Variants in MAL observed in about 807,000 individuals in gnomAD.
MAL encodes mal, T cell differentiation protein (MAL blood group).
In MAL, 5 loss-of-function variants were observed where a neutral mutation model predicts 16.7. That is an observed-to-expected ratio of 0.30 (90% CI 0.16 to 0.63). MAL has a LOEUF of 0.63. Among genes scored for constraint, MAL ranks in the 30% least tolerant of loss-of-function variants. The probability of loss-of-function intolerance (pLI) is 0.82; values close to 1 mark genes in which losing one functional copy is unlikely to be tolerated. For missense variants in MAL, 202 were observed against 195.8 expected (o/e 1.03, Z -0.19); for synonymous variants, 96 against 85.5 (o/e 1.12, Z -0.67).
chr2:95,048,470 G>A (rs1385834262), intron 2 of MAL, among the ~76,000 whole-genome samples: 2 of 152,186 alleles, frequency 1.3e-5, no homozygotes, highest in African/African-American at 4.8e-5. Context: ...CCTCAAGGCA[G>A]CAGGGCCCCA....
chr2:95,046,921 A>G (rs960658035), intron 1 of MAL, among the ~76,000 whole-genome samples: 20 of 151,598 alleles, frequency 1.3e-4, no homozygotes, highest in African/African-American at 4.6e-4. Flanking sequence ...AGAGAGAGAA[A>G]GAAAGAGAGA....
intron 1 of MAL, among the ~76,000 whole-genome samples, chr2:95,036,969 C>G (rs1198399765): frequency 3.4e-4 from 28 of 82,814 alleles, no homozygotes; most frequent in African/African-American, 5.8e-4. Flanking sequence ...GACTGAGTGA[C>G]CGAGTGAGTG....
intron 1 of MAL, among the ~76,000 whole-genome samples, chr2:95,041,259 C>T (rs558473595): frequency 2.4e-4 from 37 of 152,266 alleles, no homozygotes; most frequent in Non-Finnish European, 8.8e-5. Context: ...TGACCAGGCC[C>T]GTTGTTGGAA....
intron 1 of MAL, among the ~76,000 whole-genome samples, chr2:95,031,533 ATAGAAT>A: frequency 6.6e-6 from 1 of 152,274 alleles, no homozygotes; most frequent in Admixed American, 6.5e-5. Flanking sequence ...TTTATGGGGG[ATAGAAT>A]AGTGGGAACA....
At chr2:95,039,950 G>T (rs914746184) in intron 1 of MAL, among the ~76,000 whole-genome samples, 4 of 152,150 alleles carry the variant, frequency 2.6e-5, no homozygotes, top group African/African-American at 7.2e-5. Context: ...GGACTTTGCG[G>T]AAGCCTTCAG....
At chr2:95,037,045 G>T (rs1230234471) in intron 1 of MAL, among the ~76,000 whole-genome samples, 1 of 151,138 alleles carries the variant, frequency 6.6e-6, no homozygotes, top group Non-Finnish European at 1.5e-5. Context: ...GAGTGGGTGA[G>T]TGAGTGACTG....
At chr2:95,028,454 A>G (rs760336293) in intron 1 of MAL, among the ~76,000 whole-genome samples, 1 of 152,212 alleles carries the variant, frequency 6.6e-6, no homozygotes, top group Non-Finnish European at 1.5e-5. Flanking sequence ...ATGTGGAGAA[A>G]TTGGAACCCT....
chr2:95,052,456 G>A (rs570059934), intron 3 of MAL, among the ~76,000 whole-genome samples: 72 of 152,324 alleles, frequency 4.7e-4, no homozygotes, highest in African/African-American at 1.6e-3. Context: ...CTTACTCACC[G>A]CCTCCAGGCA....
intron 3 of MAL, among the ~76,000 whole-genome samples, chr2:95,050,909 ATCT>A (rs1674702247): frequency 6.6e-6 from 1 of 152,112 alleles, no homozygotes; most frequent in Non-Finnish European, 1.5e-5. Flanking sequence ...GCCACCCTCC[ATCT>A]TCTTCACACA....
intron 3 of MAL, chr2:95,051,319 A>C (rs1674709875): frequency 6.6e-6 from 1 of 152,238 alleles, no homozygotes; most frequent in Non-Finnish European, 1.5e-5. Flanking sequence ...ACCAGCGCAC[A>C]GTCTGATGAA....
chr2:95,034,529 C>T lies in MAL; in HGVS notation c.93+8644C>T, dbSNP rs555240373. 2.6e-5 allele frequency among the ~76,000 whole-genome samples: 4 copies of T among 152,348 alleles called. No individual in the cohort carries two copies. In the South Asian group the frequency reaches 8.3e-4, roughly 32 times the overall value. ...ATTAAAGCTTTCAAAAGCGATTTGT[C>T]ATCAGTGTCAGTGTGTCGGCTGTAT... On this transcript the variant is annotated intron_variant, in intron 1 of 3. Transcript: ENST00000309988.
At chr2:95,039,901 C>G (rs1674402740) in intron 1 of MAL, among the ~76,000 whole-genome samples, 1 of 152,134 alleles carries the variant, frequency 6.6e-6, no homozygotes, top group Admixed American at 6.5e-5. Context: ...AGTCCCCTAT[C>G]CTCCCTCTCA....
intron 1 of MAL, among the ~76,000 whole-genome samples, chr2:95,031,339 G>A (rs1349554053): frequency 6.6e-6 from 1 of 152,094 alleles, no homozygotes; most frequent in Non-Finnish European, 1.5e-5. Context: ...AGGAATGAAG[G>A]GACAGCTCAG....
chr2:95,034,659 T>C (rs1674164518), intron 1 of MAL, among the ~76,000 whole-genome samples: 1 of 152,086 alleles, frequency 6.6e-6, no homozygotes, highest in Non-Finnish European at 1.5e-5. Flanking sequence ...GAGGGCATAG[T>C]TGGATTGAGG....
rs568803443 is a variant in MAL, at chr2:95,041,758, C to T, written c.94-6201C>T. Among the ~76,000 whole-genome samples, 6 of 152,266 alleles carry T rather than the reference C, an allele frequency of 3.9e-5. No individual in the cohort carries two copies. The South Asian group carries it at 1.2e-3, about 32-fold the overall frequency. ...TCCCATGATTAATTTGGAAAGAAAA[C>T]ATGAGAAGCTTCTCCAAGTTCACAC... On this transcript the variant is annotated intron_variant, in intron 1 of 3. Transcript: ENST00000309988.
At chr2:95,041,121 G>C (rs1461864756) in intron 1 of MAL, among the ~76,000 whole-genome samples, 2 of 152,160 alleles carry the variant, frequency 1.3e-5, no homozygotes, top group Non-Finnish European at 2.9e-5. Flanking sequence ...CCTCTGCATT[G>C]CCTCTGTTAC....
At chr2:95,045,262 A>C (rs1419475852) in intron 1 of MAL, among the ~76,000 whole-genome samples, 1 of 152,192 alleles carries the variant, frequency 6.6e-6, no homozygotes, top group Non-Finnish European at 1.5e-5. Flanking sequence ...GGTCACCCGT[A>C]AGCGCCTCTG....
intron 1 of MAL, among the ~76,000 whole-genome samples, chr2:95,037,328 C>CTGAGTGAGTGACTGAGTGGG (rs1490533471): frequency 9.4e-6 from 1 of 106,380 alleles, no homozygotes; most frequent in African/African-American, 3.7e-5. Context: ...GAGTGAGTGG[C>CTGAGTGAGTGACTGAGTGGG]TGAGTGAGTG....
chr2:95,053,013 T>TG (rs894617577), intron 3 of MAL: 1 of 203,160 alleles, frequency 4.9e-6, no homozygotes, highest in Non-Finnish European at 9.9e-6. Context: ...TCACTGGTGT[T>TG]GGGGGAGGAA....
Sources: allele counts gnomAD v4.1 joint callset (sites outside exome capture counted in the v4.1 genomes callset), GRCh38; gene constraint gnomAD v4.1.1; transcripts MANE v1.5; gene names NCBI Gene and HGNC (gene_info 2026-07-23, HGNC 2026-07-21).